GPHN: variants seen among roughly 807,000 people sequenced by gnomAD.
GPHN encodes the protein gephyrin.
In GPHN, 17 loss-of-function variants were observed where a neutral mutation model predicts 95.5. The ratio of observed to expected loss-of-function variants is 0.18; its 90% CI spans 0.12 to 0.27. The LOEUF (loss-of-function observed/expected upper bound fraction) is 0.27. GPHN is among the 10% of genes least tolerant of loss of function. GPHN has a pLI of 1.00. For missense variants in GPHN, 660 were observed against 978.1 expected (o/e 0.67, Z 4.34); for synonymous variants, 320 against 322.5 (o/e 0.99, Z 0.08).
chr14:66,511,665 TA>T (rs1028341509), intron 1 of GPHN, among the ~76,000 whole-genome samples: 1 of 152,100 alleles, frequency 6.6e-6, no homozygotes, highest in Non-Finnish European at 1.5e-5. Context: ...GCAAATTTAG[TA>T]CATAGTCTGT....
intron 1 of GPHN, among the ~76,000 whole-genome samples, chr14:66,517,817 A>G (rs561496663): frequency 3.9e-5 from 6 of 152,310 alleles, no homozygotes; most frequent in Non-Finnish European, 8.8e-5. Context: ...CCTACATGTA[A>G]GACAGGAAAC....
At chr14:67,342,780 G>A in the GPHN span, among the ~76,000 whole-genome samples, 1 of 151,250 alleles carries the variant, frequency 6.6e-6, no homozygotes, top group East Asian at 1.9e-4. Flanking sequence ...CATTAATATA[G>A]AAATTCCCAA....
the GPHN span, among the ~76,000 whole-genome samples, chr14:67,675,639 T>C: frequency 6.6e-6 from 1 of 152,286 alleles, no homozygotes; most frequent in East Asian, 1.9e-4. Flanking sequence ...AGCGTAGGCA[T>C]TGCGAGGGAT....
At chr14:67,511,477 A>C in the GPHN span, among the ~76,000 whole-genome samples, 1 of 152,210 alleles carries the variant, frequency 6.6e-6, no homozygotes, top group African/African-American at 2.4e-5. Context: ...TCTCTTCTAT[A>C]ATACCAGCCA....
chr14:67,075,820 G>T (rs2076472671), intron 11 of GPHN, among the ~76,000 whole-genome samples: 1 of 152,170 alleles, frequency 6.6e-6, no homozygotes, highest in South Asian at 2.1e-4. Flanking sequence ...AACTTGAACA[G>T]ATAAGGAGTT....
Position 67,081,595 on chromosome 14 carries a change from T to C in GPHN, c.1145-7388T>C, listed in dbSNP as rs572214369. On this transcript the variant is annotated intron_variant, in intron 11 of 22. Coordinates refer to ENST00000478722, the MANE Select transcript of GPHN (RefSeq NM_020806.5). Reference sequence around the variant, plus strand: ...TTTCTTTTGCTGTGCAGAAACTTTTTAGATTAATTAAGTCCCACCTATTTA... The same window carrying C: ...TTTCTTTTGCTGTGCAGAAACTTTTCAGATTAATTAAGTCCCACCTATTTA... Among the ~76,000 whole-genome samples the C allele has an allele frequency of 2.8e-4, 42 of 152,364 alleles. 1 individual carries two copies. The highest frequency in any genetic ancestry group is 1.0e-3 in the African/African-American group (42 of 41,600).
At chr14:67,061,732 C>G (rs111285383) in intron 11 of GPHN, among the ~76,000 whole-genome samples, 9,522 of 152,070 alleles carry the variant, frequency 0.063, 329 homozygotes, top group Middle Eastern at 0.085. Flanking sequence ...GGCTGGCCCT[C>G]AACTCTCAGC....
At chr14:66,595,539 G>T (rs138236673) in intron 1 of GPHN, among the ~76,000 whole-genome samples, 1 of 152,266 alleles carries the variant, frequency 6.6e-6, no homozygotes, top group African/African-American at 2.4e-5. Flanking sequence ...GTGAGTTAGC[G>T]TGTGATCTGG....
chr14:66,699,782 A>G (rs74057259), intron 2 of GPHN, among the ~76,000 whole-genome samples: 10,629 of 152,250 alleles, frequency 0.07, 914 homozygotes, highest in African/African-American at 0.2. Flanking sequence ...AGAAACATCT[A>G]TGCCAGACAG....
the GPHN span, among the ~76,000 whole-genome samples, chr14:67,405,817 C>T: frequency 3.9e-5 from 6 of 152,198 alleles, no homozygotes; most frequent in Admixed American, 6.5e-5. Context: ...TGTAGGTGAG[C>T]TCAGAATTGG....
the GPHN span, among the ~76,000 whole-genome samples, chr14:67,653,011 G>T: frequency 3.3e-5 from 5 of 152,140 alleles, no homozygotes; most frequent in African/African-American, 1.2e-4. Flanking sequence ...GACTGGTCTT[G>T]AACTCCTGAC....
At chr14:67,603,458 A>G in the GPHN span, among the ~76,000 whole-genome samples, 1 of 152,222 alleles carries the variant, frequency 6.6e-6, no homozygotes, top group East Asian at 1.9e-4. Flanking sequence ...AATTATTAGG[A>G]ATAAATACTG....
rs547313388 is a variant in GPHN, at chr14:66,802,526, A to G, written c.202-21948A>G. On this transcript the variant is annotated intron_variant, in intron 3 of 22. Coordinates refer to ENST00000478722, the MANE Select transcript of GPHN (RefSeq NM_020806.5). The stretch of plus-strand genomic sequence containing the variant: ...TTTCCTTCTGCTTTTCTCAAGCAGA[A>G]GGAGTTTTGCCCCATAGCCACCACA... Among the ~76,000 whole-genome samples, 3 of 152,300 alleles carry G rather than the reference A, an allele frequency of 2.0e-5. No individual in the cohort carries two copies. In the South Asian group the frequency reaches 6.2e-4, roughly 32 times the overall value.
At chr14:66,685,702 G>A (rs1044933215) in intron 2 of GPHN, among the ~76,000 whole-genome samples, 15 of 152,066 alleles carry the variant, frequency 9.9e-5, no homozygotes, top group Non-Finnish European at 2.9e-5. Context: ...TAGGTTGCCT[G>A]TTCACTCTGA....
At chr14:66,828,748 A>C (rs1169666557) in intron 4 of GPHN, among the ~76,000 whole-genome samples, 1 of 152,182 alleles carries the variant, frequency 6.6e-6, no homozygotes, top group East Asian at 1.9e-4. Flanking sequence ...GCTCTAGATA[A>C]AATGAAAAAT....
chr14:66,945,472 G>A (rs373184902), intron 8 of GPHN, among the ~76,000 whole-genome samples: 1 of 152,234 alleles, frequency 6.6e-6, no homozygotes, highest in East Asian at 1.9e-4. Context: ...GGGACTGGGG[G>A]AAGAAAGTGT....
intron 1 of GPHN, among the ~76,000 whole-genome samples, chr14:66,564,763 A>G (rs1323510464): frequency 6.6e-6 from 1 of 152,122 alleles, no homozygotes; most frequent in Non-Finnish European, 1.5e-5. Flanking sequence ...GTGTGCATGC[A>G]TATGTTCACG....
the GPHN span, among the ~76,000 whole-genome samples, chr14:67,620,732 A>G: frequency 6.6e-6 from 1 of 152,096 alleles, no homozygotes; most frequent in African/African-American, 2.4e-5. Context: ...TGGCTTGGGC[A>G]GCTGATGTGA....
chr14:66,659,587 G>A, intron 1 of GPHN, among the ~76,000 whole-genome samples: 1 of 151,928 alleles, frequency 6.6e-6, no homozygotes, highest in East Asian at 1.9e-4. Context: ...TGCATCACAT[G>A]TTTTGCAGCT....
Sources: allele counts gnomAD v4.1 joint callset (sites outside exome capture counted in the v4.1 genomes callset), GRCh38; gene constraint gnomAD v4.1.1; transcripts MANE v1.5; gene names NCBI Gene and HGNC (gene_info 2026-07-23, HGNC 2026-07-21).